The following PPAT variants were observed in gnomAD, a reference collection of about 807,000 sequenced individuals.
PPAT encodes amidophosphoribosyltransferase.
A neutral mutation model predicts 60.2 loss-of-function variants in PPAT; 20 were observed. The observed-to-expected ratio is 0.33, with a 90% CI of 0.23 to 0.48. The LOEUF (loss-of-function observed/expected upper bound fraction) is 0.48, where lower values mean the gene tolerates loss of function less well. Among genes scored for constraint, PPAT ranks in the 20% least tolerant of loss-of-function variants. The pLI, the probability that PPAT is intolerant of heterozygous loss-of-function variation, is 0.99. For synonymous variants in PPAT, 194 were observed against 215.1 expected, an observed-to-expected ratio of 0.90 and a Z score of 0.86; for missense variants, 349 against 629.6, an observed-to-expected ratio of 0.55 and a Z score of 4.77.
At chr4:56,419,632 TG>T in intron 1 of PPAT, 1 of 977,360 alleles carries the variant, frequency 1.0e-6, no homozygotes, top group Non-Finnish European at 1.2e-6. Context: ...ACGTCAGTAT[TG>T]GAACCCTCTA....
At chr4:56,417,101 G>A (rs779360920) in intron 1 of PPAT, among the ~76,000 whole-genome samples, 26 of 152,048 alleles carry the variant, frequency 1.7e-4, no homozygotes, top group Admixed American at 2.6e-4. Flanking sequence ...CACCCGCCTC[G>A]GCCTCCCAAA....
At chr4:56,405,094 T>TAA (rs1382895998) in intron 3 of PPAT, among the ~76,000 whole-genome samples, 10 of 136,470 alleles carry the variant, frequency 7.3e-5, no homozygotes, top group South Asian at 4.6e-4. Context: ...GACAGGCAGT[T>TAA]AAAAAAAAAA....
At chr4:56,404,359 T>C (rs1716191018) in intron 3 of PPAT, among the ~76,000 whole-genome samples, 2 of 152,212 alleles carry the variant, frequency 1.3e-5, no homozygotes, top group Admixed American at 1.3e-4. Context: ...TGGCTACCCA[T>C]CCTCATTGAT....
rs1560635342 is a variant in PPAT, at chr4:56,393,959, T to C, written c.*1393A>G. Reference sequence around the variant, plus strand: ...GTCAAAATTTTATCTTGGCCTGCTATAATATAATATGCGAGACTATATACC... The same window carrying C: ...GTCAAAATTTTATCTTGGCCTGCTACAATATAATATGCGAGACTATATACC... On this transcript the variant is annotated 3_prime_UTR_variant, in exon 11 of 11. Coordinates refer to ENST00000264220, the MANE Select transcript of PPAT (RefSeq NM_002703.5). 1.3e-5 allele frequency: 2 copies of C among 152,204 alleles called. No homozygotes were observed. The highest frequency in any genetic ancestry group is 4.8e-5 in the African/African-American group (2 of 41,436). 9.4% of individuals were successfully genotyped at this position (152,204 alleles called of 1,614,324 possible).
intron 9 of PPAT, among the ~76,000 whole-genome samples, chr4:56,398,597 G>A (rs1277705124): frequency 4.0e-5 from 6 of 150,138 alleles, no homozygotes; most frequent in South Asian, 2.1e-4. Flanking sequence ...TTACAGGTGT[G>A]TGCCACCACG....
chr4:56,434,561 A>G (rs1717793869), intron 1 of PPAT, among the ~76,000 whole-genome samples: 1 of 152,214 alleles, frequency 6.6e-6, no homozygotes, highest in Non-Finnish European at 1.5e-5. Flanking sequence ...AGGATCTCCC[A>G]ATTTTTCAAA....
At chr4:56,397,606 C>T (rs1309906581) in intron 9 of PPAT, among the ~76,000 whole-genome samples, 3 of 152,122 alleles carry the variant, frequency 2.0e-5, no homozygotes. Context: ...AATGGCATCT[C>T]ACTTCTGTAG....
chr4:56,432,222 T>G (rs1329173296), intron 1 of PPAT, among the ~76,000 whole-genome samples: 1 of 152,138 alleles, frequency 6.6e-6, no homozygotes, highest in Non-Finnish European at 1.5e-5. Flanking sequence ...ACCTTCTAGA[T>G]TCCATCTTCT....
At chr4:56,417,887 C>A (rs1578128332) in intron 1 of PPAT, among the ~76,000 whole-genome samples, 1 of 144,432 alleles carries the variant, frequency 6.9e-6, no homozygotes, top group South Asian at 2.1e-4. Flanking sequence ...TGTTGCCAGG[C>A]TAGAGTGCAG....
Position 56,396,846 on chromosome 4 carries a change from G to T in PPAT, c.1237-107C>A. 9.2e-7 allele frequency: 1 copy of T among 1,092,378 alleles called. No homozygotes were observed. Among genetic ancestry groups the T allele is most frequent in the South Asian group, 2.0e-5 (1 of 50,116 alleles). 67.7% of individuals were successfully genotyped at this position (1,092,378 alleles called of 1,614,324 possible). On this transcript the variant is annotated intron_variant, in intron 9 of 10. Coordinates refer to ENST00000264220, the MANE Select transcript of PPAT (RefSeq NM_002703.5). This position sits in a 1 kb window ranked among gnomAD's most constrained non-coding sequence, Gnocchi z 4.6. ...TGCAGAATATTCAGTAACAACATAT[G>T]GGTAATAAATTATTCTTTCTACAAA...
intron 1 of PPAT, chr4:56,423,231 T>C (rs1717131298): frequency 6.6e-6 from 1 of 152,256 alleles, no homozygotes; most frequent in Non-Finnish European, 1.5e-5. Context: ...TCAAATTTCC[T>C]ATACTCCTGG....
Position 56,399,317 on chromosome 4 carries a change from T to C in PPAT, c.1098A>G (p.Gln366=), listed in dbSNP as rs1412662145. Residue 366 remains glutamine, a synonymous_variant, in exon 9 of 11, where the codon CAA becomes CAG. Transcript: ENST00000264220. ...CTCCAAATTTTTTTGCAACACCAAG[T>C]TGTCTTAACCTCATGTTTGGCTGAA... is the stretch of plus-strand genomic sequence containing the variant. ...TFIQPNMRLR[Q]LGVAKKFGVL... The C allele has an allele frequency of 1.2e-6, 2 of 1,614,050 alleles. No homozygotes were observed. Among genetic ancestry groups the C allele is most frequent in the Non-Finnish European group, 1.7e-6 (2 of 1,179,938 alleles).
intron 1 of PPAT, among the ~76,000 whole-genome samples, chr4:56,432,704 G>C (rs1222372414): frequency 6.7e-6 from 1 of 150,092 alleles, no homozygotes; most frequent in African/African-American, 2.5e-5. Context: ...AGAATGGCGT[G>C]AACCCGGGAG....
At chr4:56,433,526 G>A (rs182863806) in intron 1 of PPAT, among the ~76,000 whole-genome samples, 123 of 149,556 alleles carry the variant, frequency 8.2e-4, no homozygotes, top group Non-Finnish European at 1.4e-3. Context: ...TTTTCTTCAG[G>A]CACACATTTA....
At chr4:56,419,014 C>G (rs916806141) in intron 1 of PPAT, among the ~76,000 whole-genome samples, 3 of 152,220 alleles carry the variant, frequency 2.0e-5, no homozygotes, top group Non-Finnish European at 4.4e-5. Context: ...ACTGATTGTT[C>G]TGTGTGACTC....
At position 56,393,452 on chromosome 4, in the gene PPAT, G is replaced by A. The variant is rs1409085301; in HGVS notation, c.*1900C>T. On this transcript the variant is annotated 3_prime_UTR_variant, in exon 11 of 11. Coordinates refer to ENST00000264220, the MANE Select transcript of PPAT (RefSeq NM_002703.5). ...TAGTTTAGTTCACAATATAAATCCCGTGAAAACACATTTTTCATCTCTGCA... is the reference window on the plus strand; with the variant it reads ...TAGTTTAGTTCACAATATAAATCCCATGAAAACACATTTTTCATCTCTGCA... The A allele has an allele frequency of 2.0e-5, 3 of 151,682 alleles. No individual in the cohort carries two copies. The highest frequency in any genetic ancestry group is 4.4e-5 in the Non-Finnish European group (3 of 67,974). 9.4% of individuals were successfully genotyped at this position (151,682 alleles called of 1,614,324 possible).
At chr4:56,428,742 A>G (rs2110066770) in intron 1 of PPAT, among the ~76,000 whole-genome samples, 1 of 152,320 alleles carries the variant, frequency 6.6e-6, no homozygotes, top group South Asian at 2.1e-4. Flanking sequence ...AAAAATCATT[A>G]AAAATAGGTA....
At chr4:56,433,011 A>T (rs2110071377) in intron 1 of PPAT, among the ~76,000 whole-genome samples, 1 of 151,010 alleles carries the variant, frequency 6.6e-6, no homozygotes, top group East Asian at 1.9e-4. Flanking sequence ...ATATATATAT[A>T]TAAAACTAAA....
Position 56,410,303 on chromosome 4 carries a change from G to A in PPAT, c.129-2587C>T, listed in dbSNP as rs374105898. On this transcript the variant is annotated intron_variant, in intron 1 of 10. Transcript: ENST00000264220. The stretch of plus-strand genomic sequence containing the variant: ...TCAAGGGAAGTTTTTCCTTCAGGCT[G>A]AAATGATATAGTTAAGAATCATTTA... 3.2e-4 allele frequency among the ~76,000 whole-genome samples: 49 copies of A among 152,206 alleles called. 1 individual carries two copies. The highest frequency in any genetic ancestry group is 1.2e-3 in the African/African-American group (49 of 41,458).
Sources: allele counts gnomAD v4.1 joint callset (sites outside exome capture counted in the v4.1 genomes callset), GRCh38; gene constraint gnomAD v4.1.1; non-coding constraint Gnocchi (gnomAD v3.1); transcripts MANE v1.5; gene names NCBI Gene and HGNC (gene_info 2026-07-23, HGNC 2026-07-21).